Variants in AGPS observed in about 807,000 individuals in gnomAD.
The protein encoded by AGPS is alkyldihydroxyacetonephosphate synthase, peroxisomal.
A neutral mutation model predicts 90.7 loss-of-function variants in AGPS; 26 were observed. That is an observed-to-expected ratio of 0.29 (90% confidence interval 0.21 to 0.40). The LOEUF (loss-of-function observed/expected upper bound fraction) is 0.40. Among genes scored for constraint, AGPS ranks in the 10% least tolerant of loss-of-function variants. AGPS has a pLI of 1.00. For synonymous variants in AGPS, 294 were observed against 285.3 expected, an observed-to-expected ratio of 1.03 and a Z score of -0.31; for missense variants, 540 against 816.1, an observed-to-expected ratio of 0.66 and a Z score of 4.12.
chr2:177,502,921 G>A (rs1357736884), intron 14 of AGPS, among the ~76,000 whole-genome samples: 1 of 152,072 alleles, frequency 6.6e-6, no homozygotes, highest in African/African-American at 2.4e-5. Flanking sequence ...CAAGACAAAA[G>A]AAAGCACCAC....
At chr2:177,517,405 A>G (rs770267777) in intron 17 of AGPS, among the ~76,000 whole-genome samples, 2 of 152,148 alleles carry the variant, frequency 1.3e-5, no homozygotes, top group Admixed American at 6.5e-5. Context: ...TGAAGATGCT[A>G]TATTTCACTC....
chr2:177,407,970 CAG>C (rs1241698302), intron 1 of AGPS, among the ~76,000 whole-genome samples: 10 of 152,080 alleles, frequency 6.6e-5, no homozygotes, highest in Non-Finnish European at 1.5e-4. Flanking sequence ...AAATTTGGAG[CAG>C]AGTCTTGAGG....
intron 8 of AGPS, among the ~76,000 whole-genome samples, chr2:177,460,933 A>G (rs1687273716): frequency 6.6e-6 from 1 of 152,264 alleles, no homozygotes; most frequent in Non-Finnish European, 1.5e-5. Context: ...TGCAAAACCT[A>G]ACAAATTATA....
At chr2:177,460,951 T>C (rs1332945952) in intron 8 of AGPS, among the ~76,000 whole-genome samples, 1 of 152,264 alleles carries the variant, frequency 6.6e-6, no homozygotes, top group African/African-American at 2.4e-5. Context: ...ATATTTAACC[T>C]AATAGGCTTT....
chr2:177,432,406 A>C (rs1485176846), intron 2 of AGPS, among the ~76,000 whole-genome samples: 2 of 152,236 alleles, frequency 1.3e-5, no homozygotes, highest in African/African-American at 4.8e-5. Context: ...CCTTTATCAC[A>C]TCTCTGGTTA....
chr2:177,460,626 T>TAA (rs1436564016), intron 8 of AGPS, among the ~76,000 whole-genome samples: 1 of 152,212 alleles, frequency 6.6e-6, no homozygotes, highest in Non-Finnish European at 1.5e-5. Context: ...AGTAAAAGTT[T>TAA]ATGTTTTAAA....
At position 177,543,220 on chromosome 2, in the gene AGPS, C is replaced by T. The variant is rs1336598289; in HGVS notation, c.*5025C>T. 1 of 152,140 alleles carries T rather than the reference C, an allele frequency of 6.6e-6. No homozygotes were observed. Among genetic ancestry groups the T allele is most frequent in the African/African-American group, 2.4e-5 (1 of 41,420 alleles). 9.4% of individuals were successfully genotyped at this position (152,140 alleles called of 1,614,324 possible). ...CTTTCTGGATGTTTGCTCACAGGCT[C>T]CCTGAGGAGCAGAACCTGTGGAGCT... On this transcript the variant is annotated 3_prime_UTR_variant, in exon 20 of 20. Coordinates refer to ENST00000264167, the MANE Select transcript of AGPS (RefSeq NM_003659.4).
chr2:177,505,455 T>C, intron 14 of AGPS, 51 bp from the exon 15 acceptor site: 1 of 1,471,328 alleles, frequency 6.8e-7, no homozygotes, highest in African/African-American at 1.4e-5. Flanking sequence ...ACATTTATGA[T>C]AAATGAGATT....
At chr2:177,433,500 C>T (rs1686301974) in intron 2 of AGPS, among the ~76,000 whole-genome samples, 1 of 152,128 alleles carries the variant, frequency 6.6e-6, no homozygotes, top group South Asian at 2.1e-4. Context: ...CCCTTGTGTG[C>T]TACTTCCAGT....
chr2:177,525,455 C>G (rs1298339370), intron 19 of AGPS, among the ~76,000 whole-genome samples: 3 of 152,034 alleles, frequency 2.0e-5, no homozygotes, highest in Non-Finnish European at 4.4e-5. Context: ...AAAACTTTCC[C>G]AGTGTAGCCA....
At chr2:177,397,624 A>G (rs954440057) in intron 1 of AGPS, among the ~76,000 whole-genome samples, 3 of 152,170 alleles carry the variant, frequency 2.0e-5, no homozygotes, top group Admixed American at 2.0e-4. Flanking sequence ...GCTCAATGGC[A>G]GTTTTTACGG....
intron 12 of AGPS, among the ~76,000 whole-genome samples, chr2:177,496,286 A>C (rs1337557575): frequency 1.3e-5 from 2 of 152,206 alleles, no homozygotes; most frequent in Non-Finnish European, 2.9e-5. Context: ...AGATAATTTC[A>C]ACTTCTGCCA....
intron 2 of AGPS, among the ~76,000 whole-genome samples, chr2:177,421,537 C>T (rs1163338583): frequency 6.6e-6 from 1 of 151,832 alleles, no homozygotes; most frequent in African/African-American, 2.4e-5. Flanking sequence ...TGAAGATGTA[C>T]ATTTGACTTT....
intron 1 of AGPS, among the ~76,000 whole-genome samples, chr2:177,409,231 GT>G (rs11305351): frequency 0.29 from 43,551 of 149,422 alleles, 9,576 homozygotes; most frequent in African/African-American, 0.61. Context: ...GTTTTGTTTT[GT>G]TTTTTTTTCT....
chr2:177,449,297 T>C (rs1249607958), intron 8 of AGPS, among the ~76,000 whole-genome samples: 1 of 152,266 alleles, frequency 6.6e-6, no homozygotes, highest in African/African-American at 2.4e-5. Flanking sequence ...TATATCATTT[T>C]ATATTCCCAC....
chr2:177,418,975 C>A (rs1413644923), intron 1 of AGPS, among the ~76,000 whole-genome samples: 1 of 152,034 alleles, frequency 6.6e-6, no homozygotes, highest in Non-Finnish European at 1.5e-5. Context: ...ATCTACAAAT[C>A]CAGTCTCTGG....
intron 10 of AGPS, among the ~76,000 whole-genome samples, chr2:177,474,702 G>A (rs16865305): frequency 0.011 from 1,600 of 152,246 alleles, 16 homozygotes; most frequent in East Asian, 0.032. Flanking sequence ...AAACAAATGG[G>A]AGCTTACTAT....
intron 10 of AGPS, among the ~76,000 whole-genome samples, chr2:177,477,813 T>C (rs535979313): frequency 1.4e-4 from 21 of 152,302 alleles, no homozygotes; most frequent in African/African-American, 3.8e-4. Flanking sequence ...TATTGGCACA[T>C]ATATCACATT....
intron 8 of AGPS, among the ~76,000 whole-genome samples, chr2:177,448,406 A>C (rs1686838547): frequency 6.6e-6 from 1 of 152,198 alleles, no homozygotes; most frequent in Non-Finnish European, 1.5e-5. Context: ...TGTAGACTCC[A>C]AAATTTATAT....
Sources: allele counts gnomAD v4.1 joint callset (sites outside exome capture counted in the v4.1 genomes callset), GRCh38; gene constraint gnomAD v4.1.1; transcripts MANE v1.5; gene names NCBI Gene and HGNC (gene_info 2026-07-23, HGNC 2026-07-21).